The following CNTLN variants were observed in gnomAD, a reference collection of about 807,000 sequenced individuals.
CNTLN encodes centlein, also known as centlein, centrosomal protein.
In CNTLN, 212 loss-of-function variants were observed where a neutral mutation model predicts 180.0. That is an observed-to-expected ratio of 1.18 (90% CI 1.05 to 1.32). The LOEUF is 1.32. Ranked by LOEUF, CNTLN falls within the 40% of genes most tolerant of loss-of-function variation. The pLI, the probability that CNTLN is intolerant of heterozygous loss-of-function variation, is 0.00. For synonymous variants in CNTLN, 722 were observed against 563.1 expected (o/e 1.28, Z -3.99); for missense variants, 2,095 against 1,610.9 (o/e 1.30, Z -5.14).
chr9:17,396,888 G>T (rs954203476), intron 15 of CNTLN, among the ~76,000 whole-genome samples: 1 of 152,160 alleles, frequency 6.6e-6, no homozygotes, highest in Non-Finnish European at 1.5e-5. Flanking sequence ...AAGGCCAAAG[G>T]ACCAAATCTG....
At chr9:17,474,334 C>T (rs1199620603) in intron 23 of CNTLN, among the ~76,000 whole-genome samples, 3 of 152,152 alleles carry the variant, frequency 2.0e-5, no homozygotes, top group Non-Finnish European at 4.4e-5. Flanking sequence ...TTTCACTAGT[C>T]ATCCAGATGG....
chr9:17,517,954 C>A, the CNTLN span, among the ~76,000 whole-genome samples: 2 of 151,686 alleles, frequency 1.3e-5, no homozygotes, highest in African/African-American at 2.4e-5. Context: ...TAACCACCCC[C>A]CAAGGAGCCT....
At chr9:17,219,741 A>G (rs1017311286) in intron 2 of CNTLN, among the ~76,000 whole-genome samples, 29 of 152,132 alleles carry the variant, frequency 1.9e-4, no homozygotes, top group African/African-American at 4.8e-4. Context: ...TCTGACTGCT[A>G]AAACAGAATC....
At chr9:17,189,028 T>C (rs1821617531) in intron 2 of CNTLN, among the ~76,000 whole-genome samples, 1 of 151,136 alleles carries the variant, frequency 6.6e-6, no homozygotes, top group Non-Finnish European at 1.5e-5. Flanking sequence ...TTTTCTTCCA[T>C]GCAGTTAAGT....
At chr9:17,160,605 A>G (rs1819613113) in intron 2 of CNTLN, among the ~76,000 whole-genome samples, 1 of 152,188 alleles carries the variant, frequency 6.6e-6, no homozygotes, top group African/African-American at 2.4e-5. Flanking sequence ...TCAGTAGCTC[A>G]GCTCTGAACA....
rs527698982 is a variant in CNTLN, at chr9:17,377,314, G to A, written c.1987+10597G>A. ...TAATCCTAGCACTTTGCAGGCCGAC[G>A]CAGGTGGATCACCTGAGGTCAGGAG... On this transcript the variant is annotated intron_variant, in intron 13 of 25. Transcript: ENST00000380647. Among the ~76,000 whole-genome samples the A allele has an allele frequency of 5.9e-5, 9 of 152,312 alleles. No individual in the cohort carries two copies. The South Asian group carries it at 8.3e-4, about 14-fold the overall frequency.
At chr9:17,396,692 A>C (rs990665287) in intron 15 of CNTLN, among the ~76,000 whole-genome samples, 5 of 152,204 alleles carry the variant, frequency 3.3e-5, no homozygotes, top group African/African-American at 9.6e-5. Context: ...TCCAAAGGTT[A>C]GGTCACACCC....
intron 12 of CNTLN, among the ~76,000 whole-genome samples, chr9:17,343,916 G>C (rs1009014265): frequency 6.6e-6 from 1 of 152,026 alleles, no homozygotes; most frequent in African/African-American, 2.4e-5. Context: ...TCTAGACATT[G>C]CATATAAATG....
At chr9:17,480,138 C>G (rs1832565878) in intron 23 of CNTLN, among the ~76,000 whole-genome samples, 1 of 152,018 alleles carries the variant, frequency 6.6e-6, no homozygotes, top group African/African-American at 2.4e-5. Context: ...CTATAGTGAG[C>G]TATGATTACA....
intron 6 of CNTLN, among the ~76,000 whole-genome samples, chr9:17,279,805 A>C (rs1828549371): frequency 1.3e-5 from 1 of 77,564 alleles, no homozygotes; most frequent in Non-Finnish European, 2.5e-5. Flanking sequence ...TTCATGTTGA[A>C]ATTTAGTCCT....
rs373953175 is a variant in CNTLN, at chr9:17,366,652, T to G, written c.1922T>G (p.Val641Gly). 4.1e-5 allele frequency: 65 copies of G among 1,576,436 alleles called. No individual in the cohort carries two copies. The African/African-American group carries it at 7.8e-4, about 19-fold the overall frequency. ...NLEEELDELK[V>G]HISIDKAAIQ... ...GAAGAAGAATTAGATGAACTTAAAG[T>G]ACATATATCTATTGATAAGGCAGCA... is the stretch of plus-strand genomic sequence containing the variant. Residue 641 changes from valine to glycine, a missense_variant, in exon 13 of 26, where the codon GTA becomes GGA. Val to Gly is a moderately radical substitution (Grantham distance 109, BLOSUM62 -3). Transcript: ENST00000380647.
chr9:17,172,731 A>G (rs1283463251), intron 2 of CNTLN, among the ~76,000 whole-genome samples: 1 of 152,234 alleles, frequency 6.6e-6, no homozygotes, highest in Non-Finnish European at 1.5e-5. Context: ...GGCTGAACTT[A>G]GTAAAATACA....
intron 6 of CNTLN, among the ~76,000 whole-genome samples, chr9:17,280,546 G>A (rs1828598650): frequency 6.6e-6 from 1 of 152,134 alleles, no homozygotes; most frequent in African/African-American, 2.4e-5. Context: ...TTCACTTCCA[G>A]TACAGAGTGG....
At chr9:17,213,002 C>T (rs1823445942) in intron 2 of CNTLN, among the ~76,000 whole-genome samples, 1 of 152,094 alleles carries the variant, frequency 6.6e-6, no homozygotes, top group South Asian at 2.1e-4. Context: ...TTTCAAAAAA[C>T]CAGCTGCTAG....
chr9:17,196,486 G>T (rs1259865024), intron 2 of CNTLN, among the ~76,000 whole-genome samples: 1 of 151,884 alleles, frequency 6.6e-6, no homozygotes, highest in Admixed American at 6.6e-5. Flanking sequence ...CTCAAAAATG[G>T]CAATGATACT....
chr9:17,294,449 A>C (rs1165421450), intron 6 of CNTLN, among the ~76,000 whole-genome samples: 1 of 151,812 alleles, frequency 6.6e-6, no homozygotes, highest in East Asian at 2.0e-4. Flanking sequence ...CTTTAGATAC[A>C]GAGTGCTGAT....
chr9:17,304,408 A>G (rs971517462), intron 7 of CNTLN, among the ~76,000 whole-genome samples: 1 of 152,216 alleles, frequency 6.6e-6, no homozygotes, highest in Admixed American at 6.5e-5. Flanking sequence ...AAGGAATTAT[A>G]TCAGCATTTA....
intron 13 of CNTLN, among the ~76,000 whole-genome samples, chr9:17,368,036 C>G (rs188549077): frequency 7.9e-5 from 12 of 152,284 alleles, no homozygotes; most frequent in African/African-American, 2.9e-4. Context: ...GAACACCAAG[C>G]AGCTTGTGGG....
chr9:17,258,421 A>T (rs1453397245), intron 5 of CNTLN, among the ~76,000 whole-genome samples: 2 of 151,318 alleles, frequency 1.3e-5, no homozygotes, highest in Non-Finnish European at 2.9e-5. Context: ...TGATGCCTTC[A>T]GCTTTGTTCT....
Sources: allele counts gnomAD v4.1 joint callset (sites outside exome capture counted in the v4.1 genomes callset), GRCh38; gene constraint gnomAD v4.1.1; transcripts MANE v1.5; gene names NCBI Gene and HGNC (gene_info 2026-07-23, HGNC 2026-07-21).